C1QTNF3: variants seen among roughly 807,000 people sequenced by gnomAD.
C1QTNF3 encodes complement C1q tumor necrosis factor-related protein 3.
Under a neutral mutation model 32.6 loss-of-function variants are expected in C1QTNF3, and 26 were observed. That is an observed-to-expected ratio of 0.80 (90% CI 0.58 to 1.11). The LOEUF (loss-of-function observed/expected upper bound fraction) is 1.11, where lower values mean the gene tolerates loss of function less well. Among genes scored for constraint, C1QTNF3 ranks in the 50% least tolerant of loss-of-function variants. The probability of loss-of-function intolerance (pLI) is 0.00; values close to 1 mark genes in which losing one functional copy is unlikely to be tolerated. For synonymous variants in C1QTNF3, 155 were observed against 146.0 expected, an observed-to-expected ratio of 1.06 and a Z score of -0.44; for missense variants, 362 against 398.2, an observed-to-expected ratio of 0.91 and a Z score of 0.77.
the C1QTNF3 span, among the ~76,000 whole-genome samples, chr5:34,177,700 G>C: frequency 2.0e-5 from 3 of 151,658 alleles, no homozygotes; most frequent in African/African-American, 7.3e-5. Context: ...TGTTGGTCAA[G>C]CTGGACTTGA....
At chr5:34,048,402 T>C in the C1QTNF3 span, among the ~76,000 whole-genome samples, 1 of 151,776 alleles carries the variant, frequency 6.6e-6, no homozygotes, top group Non-Finnish European at 1.5e-5. Flanking sequence ...GAAACCACAC[T>C]AGATATTTTA....
the C1QTNF3 span, among the ~76,000 whole-genome samples, chr5:34,171,723 C>T: frequency 6.6e-6 from 1 of 152,212 alleles, no homozygotes; most frequent in African/African-American, 2.4e-5. Context: ...AAAGTGGTTT[C>T]ATTTACCTTC....
At chr5:34,147,358 C>T in the C1QTNF3 span, among the ~76,000 whole-genome samples, 1 of 152,124 alleles carries the variant, frequency 6.6e-6, no homozygotes, top group Non-Finnish European at 1.5e-5. Context: ...ACACATGTAC[C>T]TAAATGTTCA....
At chr5:34,097,379 C>CA in the C1QTNF3 span, among the ~76,000 whole-genome samples, 1 of 151,264 alleles carries the variant, frequency 6.6e-6, no homozygotes, top group African/African-American at 2.4e-5. Context: ...TTGACTATAC[C>CA]AGTGAGAAGA....
chr5:34,158,709 A>G, the C1QTNF3 span: 35 of 152,130 alleles, frequency 2.3e-4, no homozygotes, highest in African/African-American at 8.2e-4. Context: ...CCAAACCTGA[A>G]TTTCCTAAAT....
chr5:34,238,359 G>A, the C1QTNF3 span, among the ~76,000 whole-genome samples: 41 of 152,314 alleles, frequency 2.7e-4, no homozygotes, highest in African/African-American at 8.9e-4. Context: ...TAAGGAGAAA[G>A]TTGAAACCCA....
chr5:34,066,424 TAAAC>T, the C1QTNF3 span, among the ~76,000 whole-genome samples: 11 of 152,168 alleles, frequency 7.2e-5, no homozygotes, highest in African/African-American at 1.7e-4. Context: ...TAAACATAGA[TAAAC>T]AAAGTTGTTA....
At chr5:34,026,299 T>TC (rs1416906495) in intron 4 of C1QTNF3, among the ~76,000 whole-genome samples, 5 of 151,874 alleles carry the variant, frequency 3.3e-5, no homozygotes, top group African/African-American at 1.2e-4. Context: ...AGAAATGCAC[T>TC]CCCTGATAGT....
upstream of C1QTNF3, among the ~76,000 whole-genome samples, chr5:34,045,742 T>C (rs1246690116): frequency 3.3e-5 from 5 of 151,912 alleles, no homozygotes; most frequent in East Asian, 9.7e-4. Flanking sequence ...TCCTTCTCTC[T>C]GCCATTGGCC....
upstream of C1QTNF3, among the ~76,000 whole-genome samples, chr5:34,047,018 T>C (rs1754997552): frequency 6.6e-6 from 1 of 152,262 alleles, no homozygotes; most frequent in Non-Finnish European, 1.5e-5. Context: ...CTCCAGAATG[T>C]TCCTTATGTC....
chr5:34,236,648 A>G, the C1QTNF3 span, among the ~76,000 whole-genome samples: 2 of 121,182 alleles, frequency 1.7e-5, no homozygotes, highest in Admixed American at 1.2e-4. Flanking sequence ...ATCTCGGTTC[A>G]CTGCATCCTC....
Position 34,017,933 on chromosome 5 carries a change from AT to A in C1QTNF3, c.*2649del, listed in dbSNP as rs1754234805. Among the ~76,000 whole-genome samples the A allele has an allele frequency of 6.6e-6, 1 of 151,846 alleles. No individual in the cohort carries two copies. On this transcript the variant is annotated 3_prime_UTR_variant, in exon 6 of 6. Coordinates refer to ENST00000382065, the MANE Select transcript of C1QTNF3 (RefSeq NM_181435.6). Reference sequence around the variant, plus strand: ...TTATTTGTAATAAAAAAAAAATAATATTTTCCAAAACAGGAAAGTTAAATAA... The same window carrying A: ...TTATTTGTAATAAAAAAAAAATAATATTTCCAAAACAGGAAAGTTAAATAA...
the C1QTNF3 span, among the ~76,000 whole-genome samples, chr5:34,224,905 T>A: frequency 3.3e-5 from 5 of 152,284 alleles, no homozygotes; most frequent in East Asian, 9.6e-4. Flanking sequence ...TCTACTCATC[T>A]GACAAAGGGC....
chr5:34,075,877 G>C, the C1QTNF3 span, among the ~76,000 whole-genome samples: 1 of 23,932 alleles, frequency 4.2e-5, no homozygotes, highest in South Asian at 1.3e-3. Context: ...AACAATTATG[G>C]TGTGTGTGTG....
the C1QTNF3 span, among the ~76,000 whole-genome samples, chr5:34,177,186 C>CA: frequency 1.3e-5 from 2 of 151,594 alleles, no homozygotes; most frequent in South Asian, 2.1e-4. Context: ...GAGGCTGTCT[C>CA]AAAAAAAAAT....
the C1QTNF3 span, among the ~76,000 whole-genome samples, chr5:34,159,032 G>GCATTTTCACATTTGTTCTTA: frequency 6.6e-6 from 1 of 151,814 alleles, no homozygotes; most frequent in African/African-American, 2.4e-5. Context: ...TTTATCAGTC[G>GCATTTTCACATTTGTTCTTA]CATTTTCACA....
At chr5:34,145,755 A>G in the C1QTNF3 span, among the ~76,000 whole-genome samples, 3 of 151,970 alleles carry the variant, frequency 2.0e-5, no homozygotes, top group Non-Finnish European at 4.4e-5. Context: ...AAAATACTCA[A>G]CAAAATACTA....
intron 4 of C1QTNF3, among the ~76,000 whole-genome samples, chr5:34,025,823 T>C (rs564796530): frequency 6.6e-6 from 1 of 152,342 alleles, no homozygotes; most frequent in Non-Finnish European, 1.5e-5. Context: ...GTGGCATAGA[T>C]AGCATTTAAC....
the C1QTNF3 span, among the ~76,000 whole-genome samples, chr5:34,163,319 C>A: frequency 6.6e-6 from 1 of 152,136 alleles, no homozygotes; most frequent in African/African-American, 2.4e-5. Context: ...TTCGCATGTA[C>A]CCGCAAACCT....
Sources: gnomAD v4.1 joint callset for allele counts (sites outside exome capture counted in the v4.1 genomes callset) on GRCh38, gnomAD v4.1.1 for gene constraint, MANE v1.5 for transcripts, NCBI Gene and HGNC (gene_info 2026-07-23, HGNC 2026-07-21) for gene names.